Variants in SIDT1 observed in about 807,000 individuals in gnomAD.
SIDT1 encodes the protein SID1 transmembrane family member 1.
SIDT1 carries 101 observed loss-of-function variants against 107.5 expected under a neutral mutation model. The ratio of observed to expected loss-of-function variants is 0.94; its 90% CI spans 0.80 to 1.11. SIDT1 has a LOEUF of 1.11. SIDT1 is among the 50% of genes least tolerant of loss of function. The probability of loss-of-function intolerance (pLI) is 0.00; values close to 1 mark genes in which losing one functional copy is unlikely to be tolerated. For missense variants in SIDT1, 1,076 were observed against 1,058.2 expected (o/e 1.02, Z -0.23); for synonymous variants, 395 against 398.2 (o/e 0.99, Z 0.10).
chr3:113,605,122 C>CAATTTTTT, intron 14 of SIDT1, 146 bp downstream of exon 14: 1 of 306,998 alleles, frequency 3.3e-6, no homozygotes, highest in African/African-American at 4.0e-5. Context: ...CTATTGCTTC[C>CAATTTTTT]TCTTTTTTTT....
intron 9 of SIDT1, among the ~76,000 whole-genome samples, chr3:113,591,662 T>G (rs1468053572): frequency 9.9e-5 from 15 of 152,212 alleles, no homozygotes; most frequent in Admixed American, 9.8e-4. Flanking sequence ...ACCACTGCAC[T>G]CCAGCCTGGG....
chr3:113,534,093 AAG>A (rs906035421), intron 1 of SIDT1, among the ~76,000 whole-genome samples: 2 of 152,096 alleles, frequency 1.3e-5, no homozygotes, highest in African/African-American at 2.4e-5. Context: ...GAAAGAGAGA[AAG>A]AGAGACAGAG....
At chr3:113,633,691 G>C (rs1947107003), downstream of SIDT1, among the ~76,000 whole-genome samples, 1 of 152,214 alleles carries the variant, frequency 6.6e-6, no homozygotes, top group African/African-American at 2.4e-5. Flanking sequence ...TTCATGAAAA[G>C]CATTGGGTAG....
In SIDT1 at chr3:113,612,067, C is replaced by T. The variant is rs1335440779; in HGVS notation, c.1858-19C>T. The stretch of plus-strand genomic sequence containing the variant: ...TAGGGAAAACCTCAGATGAAGGTAA[C>T]TTCCATCTTTACTCCTAGGTGTTTG... On this transcript the variant is annotated intron_variant, in intron 18 of 24. Coordinates refer to ENST00000264852, the MANE Select transcript of SIDT1 (RefSeq NM_017699.3). 1 of 1,584,964 alleles carries T rather than the reference C, an allele frequency of 6.3e-7. No homozygotes were observed. The highest frequency in any genetic ancestry group is 8.7e-7 in the Non-Finnish European group (1 of 1,153,722).
chr3:113,586,523 A>T (rs1329391609), intron 9 of SIDT1, among the ~76,000 whole-genome samples: 1 of 152,222 alleles, frequency 6.6e-6, no homozygotes, highest in Non-Finnish European at 1.5e-5. Context: ...GTTAAAGACT[A>T]GATTTGCTTA....
At chr3:113,621,105 C>T (rs1190016844) in intron 21 of SIDT1, among the ~76,000 whole-genome samples, 1 of 152,074 alleles carries the variant, frequency 6.6e-6, no homozygotes, top group Non-Finnish European at 1.5e-5. Context: ...GAATTACTTT[C>T]GTATGGTCCT....
chr3:113,544,930 C>T (rs571101634), intron 1 of SIDT1, among the ~76,000 whole-genome samples: 2 of 152,072 alleles, frequency 1.3e-5, no homozygotes, highest in African/African-American at 4.8e-5. Context: ...GCCTGACCAA[C>T]ATGGCAAAAC....
chr3:113,578,746 T>G (rs1400376956), intron 4 of SIDT1, among the ~76,000 whole-genome samples: 1 of 152,136 alleles, frequency 6.6e-6, no homozygotes, highest in Non-Finnish European at 1.5e-5. Context: ...TTTTGACTTC[T>G]CAGGAGGCTG....
At chr3:113,577,310 C>T (rs892356964) in intron 4 of SIDT1, among the ~76,000 whole-genome samples, 51 of 152,294 alleles carry the variant, frequency 3.3e-4, no homozygotes, top group African/African-American at 1.2e-3. Context: ...CGGAGAGACA[C>T]AACTTCTGCC....
intron 18 of SIDT1, 112 bp from the exon 19 acceptor site, chr3:113,611,974 A>G: frequency 1.4e-6 from 1 of 710,720 alleles, no homozygotes; most frequent in Non-Finnish European, 2.4e-6. Context: ...GGAGAAAAAT[A>G]GAATGTGCAC....
chr3:113,634,859 A>G, the SIDT1 span, among the ~76,000 whole-genome samples: 1 of 152,212 alleles, frequency 6.6e-6, no homozygotes, highest in East Asian at 1.9e-4. Flanking sequence ...TACGGAAGAC[A>G]TATGCCTGAT....
At chr3:113,578,148 G>A (rs1331034205) in intron 4 of SIDT1, among the ~76,000 whole-genome samples, 1 of 152,152 alleles carries the variant, frequency 6.6e-6, no homozygotes, top group Non-Finnish European at 1.5e-5. Context: ...CTAATTACTA[G>A]GTGCAAAGAG....
intron 14 of SIDT1, 28 bp from the exon 15 acceptor site, chr3:113,607,013 T>C (rs748451142): frequency 4.0e-6 from 6 of 1,500,332 alleles, no homozygotes; most frequent in Non-Finnish European, 5.6e-6. Context: ...GAAAACCACA[T>C]TTCCTCTTCT....
downstream of SIDT1, chr3:113,632,647 A>G (rs755274540): frequency 3.9e-5 from 6 of 152,226 alleles, no homozygotes; most frequent in African/African-American, 7.2e-5. Context: ...TATTTGGGCT[A>G]GGCACTGTGA....
At chr3:113,585,066 T>C (rs966054897) in intron 8 of SIDT1, 111 bp from the exon 9 acceptor site, 1 of 774,146 alleles carries the variant, frequency 1.3e-6, no homozygotes, top group Non-Finnish European at 2.2e-6. Flanking sequence ...AAAAATTTAT[T>C]AGGACCTAAG....
At position 113,604,900 on chromosome 3, in the gene SIDT1, G is replaced by A; in HGVS notation, c.1338-10G>A. 6.2e-7 allele frequency: 1 copy of A among 1,613,980 alleles called. No homozygotes were observed. The highest frequency in any genetic ancestry group is 8.5e-7 in the Non-Finnish European group (1 of 1,179,968). On this transcript the variant is annotated splice_polypyrimidine_tract_variant and intron_variant, in intron 13 of 24. Transcript: ENST00000264852. ...AAAATAAGCATTTCTGGTTCTTTCT[G>A]CCTGCATAGGAACATCATCACCATT...
At chr3:113,538,194 T>C (rs1290870561) in intron 1 of SIDT1, among the ~76,000 whole-genome samples, 1 of 152,242 alleles carries the variant, frequency 6.6e-6, no homozygotes, top group South Asian at 2.1e-4. Context: ...AGTTTCAACA[T>C]GTGAATTTTG....
At chr3:113,621,824 G>C (rs1946481033) in intron 21 of SIDT1, among the ~76,000 whole-genome samples, 1 of 152,208 alleles carries the variant, frequency 6.6e-6, no homozygotes, top group Non-Finnish European at 1.5e-5. Context: ...GCCCAGCATT[G>C]TCCATTAGAA....
chr3:113,566,413 C>T lies in SIDT1; in HGVS notation c.223-7C>T. The T allele has an allele frequency of 6.2e-7, 1 of 1,612,782 alleles. No individual in the cohort carries two copies. Among genetic ancestry groups the T allele is most frequent in the South Asian group, 1.1e-5 (1 of 90,940 alleles). On this transcript the variant is annotated splice_region_variant and splice_polypyrimidine_tract_variant and intron_variant, in intron 1 of 24. Transcript: ENST00000264852. ...TTTGCATTACCTCTTTCTACCCTGC[C>T]ATGCAGGTGACAGCCGTGAGGGTGT...
Sources: gnomAD v4.1 joint callset for allele counts (sites outside exome capture counted in the v4.1 genomes callset) on GRCh38, gnomAD v4.1.1 for gene constraint, MANE v1.5 for transcripts, NCBI Gene and HGNC (gene_info 2026-07-23, HGNC 2026-07-21) for gene names.